CHD3: variants seen among roughly 807,000 people sequenced by gnomAD.
CHD3 encodes chromodomain helicase DNA binding protein 3.
CHD3 carries 52 observed loss-of-function variants against 248.9 expected under a neutral mutation model. The ratio of observed to expected loss-of-function variants is 0.21; its 90% CI spans 0.17 to 0.26. The LOEUF (loss-of-function observed/expected upper bound fraction) is 0.26. Among genes scored for constraint, CHD3 ranks in the 10% least tolerant of loss-of-function variants. The probability of loss-of-function intolerance (pLI) is 1.00; values close to 1 mark genes in which losing one functional copy is unlikely to be tolerated. For missense variants in CHD3, 1,482 were observed against 2,605.8 expected (o/e 0.57, Z 9.39); for synonymous variants, 985 against 985.2 (o/e 1.00, Z 0.00).
In CHD3 at chr17:7,898,521, G is replaced by A; in HGVS notation, c.2077G>A (p.Ala693Thr). ...HRELIMGEDP[A>T]QPRKYKKKKK... ...AGAACTAATTATGGGGGAAGACCCT[G>A]CCCAGCCCCGCAAGTATAAGAAGAA... is the stretch of plus-strand genomic sequence containing the variant. The change falls in exon 13 of 40, where the codon GCC (alanine) becomes ACC (threonine). Residue 693 changes from alanine (A) to threonine (T), a missense_variant. Physicochemically the swap from Ala to Thr is moderately conservative, Grantham distance 58 (BLOSUM62 0). This residue lies in a region of CHD3 where 127 missense variants were observed against 188.3 expected (regional missense o/e 0.67). Transcript: ENST00000330494. 1.2e-6 allele frequency: 2 copies of A among 1,614,078 alleles called. No individual in the cohort carries two copies. Among genetic ancestry groups the A allele is most frequent in the Non-Finnish European group, 8.5e-7 (1 of 1,179,950 alleles).
intron 20 of CHD3, 65 bp from the exon 21 acceptor site, chr17:7,902,545 A>AACT: frequency 9.9e-7 from 1 of 1,007,878 alleles, no homozygotes; most frequent in East Asian, 2.4e-5. Context: ...GTAAAGGAGT[A>AACT]GTTAGAATAA....
intron 4 of CHD3, 70 bp from the exon 5 acceptor site, chr17:7,893,216 G>A: frequency 1.3e-6 from 2 of 1,488,816 alleles, no homozygotes; most frequent in Non-Finnish European, 9.0e-7. Context: ...AGATTTAATT[G>A]ATGAGGGGAG....
chr17:7,910,996 C>A lies in CHD3; in HGVS notation c.5881+23C>A, dbSNP rs199912893. On this transcript the variant is annotated intron_variant, in intron 39 of 39. Transcript: ENST00000330494. This position sits in a 1 kb window ranked among gnomAD's most constrained non-coding sequence, Gnocchi z 4.7. ...CAGGTCAGCTGGTGTTTTCCTACCC[C>A]CTGCTACTCACACTCCTCCTTTGCC... is the stretch of plus-strand genomic sequence containing the variant. 8 of 1,612,030 alleles carry A rather than the reference C, an allele frequency of 5.0e-6. No individual in the cohort carries two copies. The highest frequency in any genetic ancestry group is 2.7e-5 in the African/African-American group (2 of 74,752).
In CHD3 at chr17:7,895,039, C is replaced by T. The variant is rs151122368; in HGVS notation, c.1392C>T (p.Asp464=). The change falls in exon 9 of 40, where the codon GAC becomes GAT. Residue 464 remains aspartate (D), a synonymous_variant. Transcript: ENST00000330494. This position sits in a 1 kb window ranked among gnomAD's most constrained non-coding sequence, Gnocchi z 4.9. ...TGGAGTACTGCCGCGTATGCAAGGA[C>T]GGCGGGGAGCTCCTGTGCTGTGACG... ...DHMEYCRVCK[D]GGELLCCDAC... The T allele has an allele frequency of 9.5e-5, 153 of 1,614,090 alleles. No homozygotes were observed. Among genetic ancestry groups the T allele is most frequent in the Middle Eastern group, 1.6e-4 (1 of 6,062 alleles).
intron 4 of CHD3, among the ~76,000 whole-genome samples, chr17:7,891,392 C>A (rs778491039): frequency 1.4e-4 from 21 of 152,208 alleles, no homozygotes; most frequent in Non-Finnish European, 1.0e-4. Flanking sequence ...TGCTCTGTGA[C>A]TTCTCTCTAG....
chr17:7,888,126 G>A (rs1401452436), upstream of CHD3, among the ~76,000 whole-genome samples: 3 of 152,186 alleles, frequency 2.0e-5, no homozygotes, highest in South Asian at 6.2e-4. Flanking sequence ...GGGGCATGGC[G>A]CCTTCCTTGC....
At position 7,899,785 on chromosome 17, in the gene CHD3, C is replaced by A; in HGVS notation, c.2545-111C>A. On this transcript the variant is annotated intron_variant, in intron 15 of 39. Transcript: ENST00000330494. The surrounding 1 kb of genome is among the most constrained non-coding windows in gnomAD (Gnocchi z 6.8). The stretch of plus-strand genomic sequence containing the variant: ...TGGTCTGTAATCCCTGCTTGGAGAA[C>A]AGAGTAATGGCTCCTGTTGGGAGCC... 2 of 1,361,366 alleles carry A rather than the reference C, an allele frequency of 1.5e-6. No homozygotes were observed. The highest frequency in any genetic ancestry group is 2.0e-6 in the Non-Finnish European group (2 of 981,784). The allele number at this position is 1,361,366 out of a possible 1,614,324, so 84.3% of individuals were successfully genotyped here.
intron 5 of CHD3, 75 bp downstream of exon 5, chr17:7,893,644 C>T (rs1408200879): frequency 2.4e-5 from 37 of 1,528,326 alleles, no homozygotes; most frequent in East Asian, 2.0e-4. Flanking sequence ...CTGGAACTCT[C>T]GCCTTCCCAG....
In CHD3 at chr17:7,893,578, C is replaced by T. The variant is rs190035867; in HGVS notation, c.793+9C>T. On this transcript the variant is annotated intron_variant, in intron 5 of 39. Coordinates refer to ENST00000330494, the MANE Select transcript of CHD3 (RefSeq NM_001005273.3). ...AACCAAAGAGGGCAAAGGTAGGGAA[C>T]TCTCTTCCAACAACTGTCATCTCAC... 6 of 1,553,136 alleles carry T rather than the reference C, an allele frequency of 3.9e-6. No homozygotes were observed. The East Asian group carries it at 1.1e-4, about 29-fold the overall frequency.
upstream of CHD3, chr17:7,884,885 G>C: frequency 7.3e-7 from 1 of 1,363,552 alleles, no homozygotes; most frequent in South Asian, 1.4e-5. Flanking sequence ...GGAGGAAGAA[G>C]AGGGCGACGA....
chr17:7,910,537 G>A lies in CHD3; in HGVS notation c.5700G>A (p.Glu1900=). Residue 1900 remains glutamate, a synonymous_variant, in exon 38 of 40, where the codon GAG becomes GAA. Transcript: ENST00000330494. The surrounding 1 kb of genome is among the most constrained non-coding windows in gnomAD (Gnocchi z 4.7). ...TCGCAGCCCGCCTTCAGATGTCCGA[G>A]CGCAGCATCCTCAGCCGGCTGGCCA... The part of the protein sequence containing the change: ...PPIAARLQMS[E]RSILSRLASK... 6.2e-7 allele frequency: 1 copy of A among 1,613,336 alleles called. No homozygotes were observed.
At position 7,904,692 on chromosome 17, in the gene CHD3, T is replaced by C. The variant is rs763253818; in HGVS notation, c.4072+73T>C. 12 of 1,366,384 alleles carry C rather than the reference T, an allele frequency of 8.8e-6. No homozygotes were observed. The highest frequency in any genetic ancestry group is 1.2e-5 in the Non-Finnish European group (12 of 991,066). The allele number at this position is 1,366,384 out of a possible 1,614,324, so 84.6% of individuals were successfully genotyped here. A position where few individuals can be genotyped will look rare whatever the true frequency, so the allele number is the denominator to read the frequency against. ...AGTAGGGACTTGAAGGCTGGAGCTA[T>C]TTAGAGGGAAAGAGAGAAGCCTAGA... On this transcript the variant is annotated intron_variant, in intron 25 of 39. Transcript: ENST00000330494. This position sits in a 1 kb window ranked among gnomAD's most constrained non-coding sequence, Gnocchi z 4.4.
At chr17:7,893,109 C>A (rs528360894) in intron 4 of CHD3, among the ~76,000 whole-genome samples, 177 bp from the exon 5 acceptor site, 5 of 151,932 alleles carry the variant, frequency 3.3e-5, no homozygotes, top group African/African-American at 1.2e-4. Context: ...CCTGTTCTTT[C>A]CCCGCTTTTT....
rs952568977 is a variant in CHD3, at chr17:7,897,398, AACCT to A, written c.1919+105_1919+108del. On this transcript the variant is annotated intron_variant, in intron 11 of 39. Coordinates refer to ENST00000330494, the MANE Select transcript of CHD3 (RefSeq NM_001005273.3). The surrounding 1 kb of genome is among the most constrained non-coding windows in gnomAD (Gnocchi z 4.8). ...TGCTGATTAACCAGGTAATTGATCT[AACCT>A]TGATAACCTCTGCTGTAGCTCCAGC... The A allele has an allele frequency of 7.2e-6, 7 of 966,352 alleles. 1 individual carries two copies. The highest frequency in any genetic ancestry group is 1.1e-5 in the Non-Finnish European group (7 of 634,440). The allele number at this position is 966,352 out of a possible 1,614,324, so 59.9% of individuals were successfully genotyped here. A position where few individuals can be genotyped will look rare whatever the true frequency, so the allele number is the denominator to read the frequency against.
At position 7,908,553 on chromosome 17, in the gene CHD3, G is replaced by C; in HGVS notation, c.5261+43G>C. 1 of 1,575,168 alleles carries C rather than the reference G, an allele frequency of 6.3e-7. No individual in the cohort carries two copies. Among genetic ancestry groups the C allele is most frequent in the South Asian group, 1.2e-5 (1 of 86,836 alleles). The stretch of plus-strand genomic sequence containing the variant: ...TGCAAGAAGGAAAAGGTTCTCTCAA[G>C]CTGGCAAAAAAAAAAAAGATGATTT... On this transcript the variant is annotated intron_variant, in intron 35 of 39. Coordinates refer to ENST00000330494, the MANE Select transcript of CHD3 (RefSeq NM_001005273.3). This position sits in a 1 kb window ranked among gnomAD's most constrained non-coding sequence, Gnocchi z 5.8.
Position 7,908,535 on chromosome 17 carries a change from A to G in CHD3, c.5261+25A>G, listed in dbSNP as rs201193191. 1 of 1,598,104 alleles carries G rather than the reference A, an allele frequency of 6.3e-7. No homozygotes were observed. Among genetic ancestry groups the G allele is most frequent in the Admixed American group, 1.7e-5 (1 of 59,402 alleles). Reference sequence around the variant, plus strand: ...TGTATCCTTTGATACACATGCAAGAAGGAAAAGGTTCTCTCAAGCTGGCAA... The same window carrying G: ...TGTATCCTTTGATACACATGCAAGAGGGAAAAGGTTCTCTCAAGCTGGCAA... On this transcript the variant is annotated intron_variant, in intron 35 of 39. Coordinates refer to ENST00000330494, the MANE Select transcript of CHD3 (RefSeq NM_001005273.3). The surrounding 1 kb of genome is among the most constrained non-coding windows in gnomAD (Gnocchi z 5.8).
rs571267244 is a variant in CHD3, at chr17:7,910,894, C to T, written c.5802C>T (p.Ala1934=). ...PYATPPGYGA[A]FSAAPVGALA... Reference sequence around the variant, plus strand: ...CTACACCTCCGGGGTACGGGGCGGCCTTCAGCGCCGCACCCGTAGGGGCCC... The same window carrying T: ...CTACACCTCCGGGGTACGGGGCGGCTTTCAGCGCCGCACCCGTAGGGGCCC... The change falls in exon 39 of 40, where the codon GCC becomes GCT. Residue 1934 remains alanine, a synonymous_variant. Transcript: ENST00000330494. The surrounding 1 kb of genome is among the most constrained non-coding windows in gnomAD (Gnocchi z 4.7). 1.1e-4 allele frequency: 176 copies of T among 1,613,418 alleles called. 6 individuals are homozygous for T. The South Asian group carries it at 1.8e-3, about 17-fold the overall frequency.
Position 7,909,431 on chromosome 17 carries a change from C to T in CHD3, c.5590+93C>T, listed in dbSNP as rs2082755583. ...CTCAAAATCTTCCCACCCCCTGACC[C>T]CTCTACCTGCTGAACCATCCCCCTC... On this transcript the variant is annotated intron_variant, in intron 37 of 39. Coordinates refer to ENST00000330494, the MANE Select transcript of CHD3 (RefSeq NM_001005273.3). This position sits in a 1 kb window ranked among gnomAD's most constrained non-coding sequence, Gnocchi z 8.1. 3 of 1,439,296 alleles carry T rather than the reference C, an allele frequency of 2.1e-6. No individual in the cohort carries two copies. Among genetic ancestry groups the T allele is most frequent in the Non-Finnish European group, 2.7e-6 (3 of 1,092,280 alleles). The allele number at this position is 1,439,296 out of a possible 1,614,324, so 89.2% of individuals were successfully genotyped here. A position where few individuals can be genotyped will look rare whatever the true frequency, so the allele number is the denominator to read the frequency against.
At chr17:7,885,456 G>C (rs1213483946), upstream of CHD3, among the ~76,000 whole-genome samples, 2 of 151,538 alleles carry the variant, frequency 1.3e-5, no homozygotes, top group African/African-American at 4.8e-5. Context: ...CGGCGGGGAG[G>C]GGGTAGGCAG....
Sources: allele counts gnomAD v4.1 joint callset (sites outside exome capture counted in the v4.1 genomes callset), GRCh38; gene constraint gnomAD v4.1.1; regional missense constraint gnomAD v4.1.1; non-coding constraint Gnocchi (gnomAD v3.1); transcripts MANE v1.5; gene names NCBI Gene and HGNC (gene_info 2026-07-23, HGNC 2026-07-21).